CWH43: variants seen among roughly 807,000 people sequenced by gnomAD.
CWH43 encodes PGAP2-interacting protein.
In CWH43, 91 loss-of-function variants were observed where a neutral mutation model predicts 85.7. The observed-to-expected ratio is 1.06, with a 90% confidence interval of 0.90 to 1.26. The LOEUF (loss-of-function observed/expected upper bound fraction) is 1.26, where lower values mean the gene tolerates loss of function less well. CWH43 is among the 50% of genes most tolerant of loss of function. The pLI is 0.00. For synonymous variants in CWH43, 323 were observed against 293.6 expected (o/e 1.10, Z -1.02); for missense variants, 869 against 839.2 (o/e 1.04, Z -0.44).
At chr4:49,006,001 T>C (rs1415376806) in intron 7 of CWH43, among the ~76,000 whole-genome samples, 1 of 152,246 alleles carries the variant, frequency 6.6e-6, no homozygotes, top group Non-Finnish European at 1.5e-5. Flanking sequence ...GTATTTCTGG[T>C]AAATACTCAA....
chr4:49,005,506 T>G (rs1443395685), intron 7 of CWH43, among the ~76,000 whole-genome samples: 1 of 151,978 alleles, frequency 6.6e-6, no homozygotes. Flanking sequence ...ATTACAGTTG[T>G]GTGAGTGCTA....
chr4:49,048,105 G>A (rs188340630), intron 14 of CWH43, among the ~76,000 whole-genome samples: 30 of 152,170 alleles, frequency 2.0e-4, no homozygotes, highest in Middle Eastern at 3.4e-3. Flanking sequence ...ATGAGATATC[G>A]GAAATTCTAG....
chr4:48,988,178 C>G (rs1335218719), intron 1 of CWH43, among the ~76,000 whole-genome samples: 1 of 152,172 alleles, frequency 6.6e-6, no homozygotes, highest in East Asian at 1.9e-4. Context: ...GGTATATATC[C>G]TACAGATATA....
At chr4:49,018,651 A>G (rs1429289633) in intron 9 of CWH43, among the ~76,000 whole-genome samples, 1 of 152,198 alleles carries the variant, frequency 6.6e-6, no homozygotes, top group Non-Finnish European at 1.5e-5. Context: ...TGTGCTTTCT[A>G]TCTGATCTGA....
At position 49,017,293 on chromosome 4, in the gene CWH43, C is replaced by T. The variant is rs371085896; in HGVS notation, c.1231C>T (p.Arg411Trp). ...TGTGGGATTGTTGGGATTAGGACTA[C>T]GGCATAAAGCCTATGAGAGAAAACT... ...VGVGLLGLGL[R>W]HKAYERKLGK... Residue 411 changes from arginine to tryptophan, a missense_variant, in exon 9 of 16, where the codon CGG becomes TGG. By Grantham distance (101) the Arg-to-Trp change is moderately radical. Transcript: ENST00000226432. The T allele has an allele frequency of 3.2e-5, 52 of 1,611,910 alleles. No individual in the cohort carries two copies. Among genetic ancestry groups the T allele is most frequent in the African/African-American group, 1.6e-4 (12 of 74,854 alleles).
At chr4:48,998,343 T>A in intron 5 of CWH43, 117 bp from the exon 6 acceptor site, 1 of 740,098 alleles carries the variant, frequency 1.4e-6, no homozygotes, top group Non-Finnish European at 2.3e-6. Context: ...TCACTGGTTG[T>A]TTCACACACG....
At chr4:49,053,726 T>A (rs1250640071) in intron 15 of CWH43, among the ~76,000 whole-genome samples, 1 of 152,154 alleles carries the variant, frequency 6.6e-6, no homozygotes, top group Non-Finnish European at 1.5e-5. Context: ...AGTAAAAAAA[T>A]CCAAAATCTG....
intron 7 of CWH43, among the ~76,000 whole-genome samples, chr4:49,006,052 C>T (rs1356553872): frequency 1.3e-5 from 2 of 152,144 alleles, no homozygotes; most frequent in African/African-American, 2.4e-5. Context: ...GCATTTCCTC[C>T]GTGGTAACCT....
chr4:49,001,837 G>A (rs576105466), intron 6 of CWH43, among the ~76,000 whole-genome samples: 23 of 151,986 alleles, frequency 1.5e-4, no homozygotes, highest in Non-Finnish European at 2.4e-4. Context: ...TATCAAATTC[G>A]GGATCATTCT....
At chr4:49,030,498 C>A (rs1334156006) in intron 10 of CWH43, among the ~76,000 whole-genome samples, 2 of 152,164 alleles carry the variant, frequency 1.3e-5, no homozygotes, top group Non-Finnish European at 2.9e-5. Flanking sequence ...GTGCACCATT[C>A]TCTTGTTTCT....
At chr4:49,058,467 T>C (rs1785036924) in intron 15 of CWH43, among the ~76,000 whole-genome samples, 1 of 152,232 alleles carries the variant, frequency 6.6e-6, no homozygotes, top group South Asian at 2.1e-4. Context: ...TTAATATTTA[T>C]CTTTTAACTT....
In CWH43 at chr4:49,039,306, G is replaced by GAGATATATATATATATATATAT. The variant is rs1553916914; in HGVS notation, c.1803+1127_1803+1128insGATATATATATATATATATATA. The stretch of plus-strand genomic sequence containing the variant: ...ACACAAATCAAATTCTCAGGAGACT[G>GAGATATATATATATATATATAT]ATATATATATATATATATATATATA... On this transcript the variant is annotated intron_variant, in intron 13 of 15. Transcript: ENST00000226432. Among the ~76,000 whole-genome samples the GAGATATATATATATATATATAT allele has an allele frequency of 2.2e-3, 10 of 4,600 alleles. 1 individual carries two copies. The highest frequency in any genetic ancestry group is 4.3e-3 in the African/African-American group (10 of 2,336). 3.0% of individuals were successfully genotyped at this position (4,600 alleles called of 152,430 possible). A position where few individuals can be genotyped will look rare whatever the true frequency, so the allele number is the denominator to read the frequency against.
intron 2 of CWH43, among the ~76,000 whole-genome samples, chr4:48,989,814 G>A (rs1201147590): frequency 1.3e-5 from 2 of 152,172 alleles, no homozygotes; most frequent in Non-Finnish European, 2.9e-5. Context: ...GGTGTCCATA[G>A]GAATTGAAAG....
intron 9 of CWH43, among the ~76,000 whole-genome samples, chr4:49,018,061 A>T (rs1783618065): frequency 6.6e-6 from 1 of 151,308 alleles, no homozygotes; most frequent in Non-Finnish European, 1.5e-5. Flanking sequence ...GATGGTCTTG[A>T]TTTCCTGACC....
chr4:49,049,910 T>C lies in CWH43; in HGVS notation c.1866-784T>C, dbSNP rs182830027. Among the ~76,000 whole-genome samples the C allele has an allele frequency of 1.9e-4, 29 of 152,304 alleles. No individual in the cohort carries two copies. In the East Asian group the frequency reaches 5.4e-3, roughly 28 times the overall value. On this transcript the variant is annotated intron_variant, in intron 14 of 15. Coordinates refer to ENST00000226432, the MANE Select transcript of CWH43 (RefSeq NM_025087.3). The stretch of plus-strand genomic sequence containing the variant: ...ATCACTACCTGACTTATTGTAAACA[T>C]ACATATGTGTTTAATGCATCCTTCC...
chr4:48,998,138 C>T (rs945240290), intron 5 of CWH43, among the ~76,000 whole-genome samples: 1 of 152,072 alleles, frequency 6.6e-6, no homozygotes, highest in African/African-American at 2.4e-5. Context: ...ATTCCAATGA[C>T]CTTTGCTTTT....
intron 8 of CWH43, among the ~76,000 whole-genome samples, chr4:49,012,406 T>A (rs146226260): frequency 6.6e-6 from 1 of 152,316 alleles, no homozygotes; most frequent in African/African-American, 2.4e-5. Flanking sequence ...TTCCTTGCAA[T>A]GGGTTAGAAC....
At chr4:49,024,083 T>C (rs1218925468) in intron 9 of CWH43, among the ~76,000 whole-genome samples, 1 of 152,208 alleles carries the variant, frequency 6.6e-6, no homozygotes, top group Non-Finnish European at 1.5e-5. Flanking sequence ...CTAGTCCTTT[T>C]ATCGTTATGT....
At chr4:49,020,416 C>CACATATAT (rs140534523) in intron 9 of CWH43, among the ~76,000 whole-genome samples, 38 of 128,338 alleles carry the variant, frequency 3.0e-4, no homozygotes, top group African/African-American at 9.8e-4. Context: ...CACACACACA[C>CACATATAT]ATATATATAT....
Sources: allele counts gnomAD v4.1 joint callset (sites outside exome capture counted in the v4.1 genomes callset), GRCh38; gene constraint gnomAD v4.1.1; transcripts MANE v1.5; gene names NCBI Gene and HGNC (gene_info 2026-07-23, HGNC 2026-07-21).